Variants in RBPMS observed in about 807,000 individuals in gnomAD.
RBPMS encodes the protein RNA-binding protein with multiple splicing.
In RBPMS, 7 loss-of-function variants were observed where a neutral mutation model predicts 26.8. The observed-to-expected ratio is 0.26, with a 90% CI of 0.15 to 0.49. RBPMS has a LOEUF of 0.49. RBPMS is among the 20% of genes least tolerant of loss of function. The pLI is 0.98. For synonymous variants in RBPMS, 96 were observed against 93.3 expected (o/e 1.03, Z -0.17); for missense variants, 186 against 250.0 (o/e 0.74, Z 1.73).
chr8:30,530,419 C>A (rs998437928), intron 5 of RBPMS, among the ~76,000 whole-genome samples: 5 of 152,194 alleles, frequency 3.3e-5, no homozygotes, highest in African/African-American at 1.2e-4. Context: ...CAGGTAATCA[C>A]AACAACACGG....
intron 1 of RBPMS, among the ~76,000 whole-genome samples, chr8:30,458,979 T>C (rs76597498): frequency 2.0e-5 from 3 of 151,334 alleles, no homozygotes; most frequent in Non-Finnish European, 4.4e-5. Flanking sequence ...TTTTTTTTTT[T>C]TGAGACGGAG....
chr8:30,514,478 T>A (rs1424255120), intron 5 of RBPMS, among the ~76,000 whole-genome samples: 2 of 152,016 alleles, frequency 1.3e-5, no homozygotes, highest in Non-Finnish European at 2.9e-5. Context: ...AAGGCAAAAA[T>A]TAGAATTTTT....
intron 1 of RBPMS, among the ~76,000 whole-genome samples, chr8:30,437,418 G>A (rs539860295): frequency 1.2e-4 from 18 of 151,518 alleles, no homozygotes; most frequent in South Asian, 8.4e-4. Context: ...ACTTTGGGAG[G>A]CTGAGGCAAC....
intron 4 of RBPMS, among the ~76,000 whole-genome samples, chr8:30,485,280 C>G (rs1032141738): frequency 6.6e-6 from 1 of 152,156 alleles, no homozygotes; most frequent in African/African-American, 2.4e-5. Flanking sequence ...AAACATTTTA[C>G]GAATATAAGC....
At chr8:30,496,336 TTTTTTGTA>T (rs1819951491) in intron 4 of RBPMS, among the ~76,000 whole-genome samples, 1 of 152,032 alleles carries the variant, frequency 6.6e-6, no homozygotes, top group South Asian at 2.1e-4. Context: ...GCCCGGCTAA[TTTTTTGTA>T]TTTTTAGTAG....
chr8:30,503,719 C>A (rs561861592), intron 4 of RBPMS, among the ~76,000 whole-genome samples: 1 of 152,176 alleles, frequency 6.6e-6, no homozygotes, highest in East Asian at 1.9e-4. Flanking sequence ...CAGACCACAC[C>A]ATGAAAACAT....
chr8:30,563,870 C>T (rs1277067809), intron 7 of RBPMS, among the ~76,000 whole-genome samples: 1 of 152,192 alleles, frequency 6.6e-6, no homozygotes, highest in African/African-American at 2.4e-5. Context: ...GTCATGCTAT[C>T]ACACTGCGGT....
At chr8:30,463,078 C>A (rs1402421540) in intron 1 of RBPMS, among the ~76,000 whole-genome samples, 1 of 152,180 alleles carries the variant, frequency 6.6e-6, no homozygotes, top group Non-Finnish European at 1.5e-5. Context: ...CCATCACATG[C>A]ACCTTCTCTT....
intron 6 of RBPMS, among the ~76,000 whole-genome samples, chr8:30,555,191 G>C (rs1364921642): frequency 6.6e-6 from 1 of 152,140 alleles, no homozygotes; most frequent in East Asian, 1.9e-4. Context: ...GTGCTCTCCT[G>C]TTGTCCAATC....
intron 1 of RBPMS, among the ~76,000 whole-genome samples, chr8:30,422,905 T>A (rs1810958949): frequency 6.6e-6 from 1 of 152,256 alleles, no homozygotes. Flanking sequence ...TATTTCTTTT[T>A]ATCTACTTCA....
At chr8:30,448,918 G>C (rs1814196121) in intron 1 of RBPMS, among the ~76,000 whole-genome samples, 2 of 151,948 alleles carry the variant, frequency 1.3e-5, no homozygotes, top group Non-Finnish European at 2.9e-5. Flanking sequence ...CCATACCCAT[G>C]GGGGGGAACT....
At chr8:30,508,237 A>T (rs1821253653) in intron 5 of RBPMS, among the ~76,000 whole-genome samples, 1 of 152,152 alleles carries the variant, frequency 6.6e-6, no homozygotes, top group Non-Finnish European at 1.5e-5. Flanking sequence ...ACCTCAGGAG[A>T]AACCAACCCT....
At chr8:30,539,561 C>T (rs1165900868) in intron 5 of RBPMS, among the ~76,000 whole-genome samples, 3 of 150,536 alleles carry the variant, frequency 2.0e-5, no homozygotes, top group Admixed American at 6.6e-5. Flanking sequence ...TATATTTTTT[C>T]GTCATTCATT....
intron 1 of RBPMS, among the ~76,000 whole-genome samples, chr8:30,440,580 GT>G (rs1238323496): frequency 3.3e-5 from 5 of 152,090 alleles, no homozygotes; most frequent in African/African-American, 9.7e-5. Context: ...GGATGTTTGG[GT>G]TGCTTCCACC....
intron 1 of RBPMS, among the ~76,000 whole-genome samples, chr8:30,428,917 G>A (rs1287335870): frequency 6.6e-6 from 1 of 151,934 alleles, no homozygotes; most frequent in Non-Finnish European, 1.5e-5. Context: ...TAGTGGCGTC[G>A]CCATTTGTAG....
chr8:30,566,498 T>A, intron 8 of RBPMS, 138 bp downstream of exon 8: 1 of 157,268 alleles, frequency 6.4e-6, no homozygotes, highest in Non-Finnish European at 1.4e-5. Context: ...CGGAGCTCTT[T>A]AACATCTGCT....
At chr8:30,507,265 G>A (rs185338725) in intron 5 of RBPMS, among the ~76,000 whole-genome samples, 2 of 152,214 alleles carry the variant, frequency 1.3e-5, no homozygotes, top group East Asian at 3.9e-4. Context: ...TTTTTCACTT[G>A]GTTGTGCTCC....
intron 1 of RBPMS, among the ~76,000 whole-genome samples, chr8:30,469,298 C>T (rs11778022): frequency 7.0e-4 from 107 of 152,218 alleles, no homozygotes; most frequent in Non-Finnish European, 1.0e-3. Context: ...CTTACTGAAT[C>T]GGAGTTTATT....
At chr8:30,468,693 T>A (rs11779389) in intron 1 of RBPMS, among the ~76,000 whole-genome samples, 142,516 of 152,284 alleles carry the variant, frequency 0.94, 67,412 homozygotes, top group Non-Finnish European at 1. Context: ...ACACTACAAA[T>A]AACAGCCTTC....
Sources: allele counts gnomAD v4.1 joint callset (sites outside exome capture counted in the v4.1 genomes callset), GRCh38; gene constraint gnomAD v4.1.1; transcripts MANE v1.5; gene names NCBI Gene and HGNC (gene_info 2026-07-23, HGNC 2026-07-21).